The following WWC1 variants were observed in gnomAD, a reference collection of about 807,000 sequenced individuals.
The protein encoded by WWC1 is WW and C2 domain containing 1.
WWC1 carries 55 observed loss-of-function variants against 138.4 expected under a neutral mutation model. The observed-to-expected ratio is 0.40, with a 90% CI of 0.32 to 0.50. The LOEUF (loss-of-function observed/expected upper bound fraction) is 0.50, where lower values mean the gene tolerates loss of function less well. Among genes scored for constraint, WWC1 ranks in the 20% least tolerant of loss-of-function variants. WWC1 has a pLI of 0.72. For synonymous variants in WWC1, 524 were observed against 564.9 expected, an observed-to-expected ratio of 0.93 and a Z score of 1.03; for missense variants, 1,226 against 1,420.4, an observed-to-expected ratio of 0.86 and a Z score of 2.20.
At chr5:168,421,373 C>T (rs1370071944) in intron 9 of WWC1, among the ~76,000 whole-genome samples, 1 of 152,228 alleles carries the variant, frequency 6.6e-6, no homozygotes, top group African/African-American at 2.4e-5. Flanking sequence ...GCTCACCTGC[C>T]AGTTCAAATT....
chr5:168,322,466 A>G (rs1772195828), intron 1 of WWC1, among the ~76,000 whole-genome samples: 1 of 152,208 alleles, frequency 6.6e-6, no homozygotes, highest in Non-Finnish European at 1.5e-5. Context: ...GAAACAGGCA[A>G]TGGATAGATT....
intron 1 of WWC1, among the ~76,000 whole-genome samples, chr5:168,297,582 C>T (rs904311453): frequency 5.4e-5 from 8 of 147,468 alleles, no homozygotes; most frequent in East Asian, 2.0e-4. Context: ...GCCAAGATCG[C>T]GCCATTGCAC....
intron 1 of WWC1, among the ~76,000 whole-genome samples, chr5:168,369,292 A>C (rs1341425348): frequency 6.6e-6 from 1 of 152,228 alleles, no homozygotes; most frequent in African/African-American, 2.4e-5. Context: ...TACTGTCCTC[A>C]TTATACAGAT....
intron 2 of WWC1, among the ~76,000 whole-genome samples, chr5:168,372,563 C>T (rs1776844055): frequency 6.6e-6 from 1 of 152,186 alleles, no homozygotes; most frequent in Non-Finnish European, 1.5e-5. Context: ...ACTTGATAGG[C>T]ATTATCTCTT....
At chr5:168,430,305 G>T (rs1255064909) in intron 14 of WWC1, 82 bp downstream of exon 14, 3 of 1,183,462 alleles carry the variant, frequency 2.5e-6, no homozygotes, top group African/African-American at 3.0e-5. Flanking sequence ...GCCCTGTCCT[G>T]ATCCAGTTAT....
chr5:168,315,878 G>A (rs559174055), intron 1 of WWC1, among the ~76,000 whole-genome samples: 1 of 152,292 alleles, frequency 6.6e-6, no homozygotes, highest in East Asian at 1.9e-4. Flanking sequence ...GGCTCTGGCT[G>A]GCAGGAGGCA....
intron 1 of WWC1, among the ~76,000 whole-genome samples, chr5:168,294,047 G>A (rs1769302406): frequency 1.3e-5 from 2 of 152,132 alleles, no homozygotes; most frequent in South Asian, 2.1e-4. Context: ...TGTAGTTTAC[G>A]GAGGCCTGTG....
intron 8 of WWC1, among the ~76,000 whole-genome samples, chr5:168,410,931 CTTTTTTTTTT>C (rs1354123052): frequency 2.5e-4 from 29 of 114,470 alleles, no homozygotes; most frequent in Middle Eastern, 5.4e-3. Flanking sequence ...ATGATCTTTG[CTTTTTTTTTT>C]TTTTTTTTTT....
At chr5:168,340,582 C>T (rs1371292912) in intron 1 of WWC1, among the ~76,000 whole-genome samples, 1 of 151,934 alleles carries the variant, frequency 6.6e-6, no homozygotes, top group Non-Finnish European at 1.5e-5. Context: ...CAGAGTCATA[C>T]AATATGTGAC....
intron 20 of WWC1, among the ~76,000 whole-genome samples, chr5:168,461,439 G>C (rs187718174): frequency 1.3e-5 from 2 of 152,350 alleles, no homozygotes; most frequent in African/African-American, 4.8e-5. Context: ...TGTCGTCCAG[G>C]TTCTGGTGAC....
chr5:168,316,629 G>C (rs533308506), intron 1 of WWC1: 1 of 152,552 alleles, frequency 6.6e-6, no homozygotes, highest in African/African-American at 2.4e-5. Context: ...TGAAGAGAAA[G>C]AAAGGACTGG....
At position 168,313,176 on chromosome 5, in the gene WWC1, G is replaced by A. The variant is rs182576890; in HGVS notation, c.119+20905G>A. 6.0e-4 allele frequency among the ~76,000 whole-genome samples: 92 copies of A among 152,256 alleles called. 1 individual carries two copies. The highest frequency in any genetic ancestry group is 6.0e-3 in the Admixed American group (92 of 15,292). ...ATGCTCATGGCAGTTCACAGGGCCTGGTGGTTTCTGCCTCAAACCCCTGTG... is the reference window on the plus strand; with the variant it reads ...ATGCTCATGGCAGTTCACAGGGCCTAGTGGTTTCTGCCTCAAACCCCTGTG... On this transcript the variant is annotated intron_variant, in intron 1 of 22. Coordinates refer to ENST00000265293, the MANE Select transcript of WWC1 (RefSeq NM_015238.3).
chr5:168,430,028 A>C (rs1251190219), intron 13 of WWC1, 109 bp from the exon 14 acceptor site: 1 of 778,834 alleles, frequency 1.3e-6, no homozygotes, highest in Non-Finnish European at 2.2e-6. Flanking sequence ...AGCTCACCAT[A>C]GGCCCCAGGG....
At chr5:168,342,024 G>A (rs1217463934) in intron 1 of WWC1, among the ~76,000 whole-genome samples, 1 of 152,196 alleles carries the variant, frequency 6.6e-6, no homozygotes, top group African/African-American at 2.4e-5. Context: ...ACCAGCATGT[G>A]TAATGGGAGG....
Position 168,467,155 on chromosome 5 carries a change from G to A in WWC1, c.3151-685G>A, listed in dbSNP as rs374586810. Reference sequence around the variant, plus strand: ...CGCCTGTAGTCCCAGCTACTTGGGAGGCTGAGGCAGGAGAATGGCGTGAAC... The same window carrying A: ...CGCCTGTAGTCCCAGCTACTTGGGAAGCTGAGGCAGGAGAATGGCGTGAAC... On this transcript the variant is annotated intron_variant, in intron 21 of 22. Coordinates refer to ENST00000265293, the MANE Select transcript of WWC1 (RefSeq NM_015238.3). Among the ~76,000 whole-genome samples, 392 of 152,368 alleles carry A rather than the reference G, an allele frequency of 2.6e-3. 1 individual carries two copies. Among genetic ancestry groups the A allele is most frequent in the African/African-American group, 8.6e-3 (358 of 41,582 alleles).
intron 1 of WWC1, among the ~76,000 whole-genome samples, chr5:168,298,326 A>G (rs1769751399): frequency 6.6e-6 from 1 of 152,164 alleles, no homozygotes; most frequent in Non-Finnish European, 1.5e-5. Context: ...GGTGTGAGCC[A>G]CTGTGCCCCA....
intron 1 of WWC1, among the ~76,000 whole-genome samples, chr5:168,299,136 C>T (rs564933579): frequency 4.6e-5 from 7 of 152,308 alleles, no homozygotes; most frequent in African/African-American, 1.7e-4. Flanking sequence ...GTGTTGCATC[C>T]AGGACTGGAG....
intron 1 of WWC1, among the ~76,000 whole-genome samples, chr5:168,343,754 G>A (rs867939675): frequency 4.6e-5 from 7 of 151,960 alleles, no homozygotes; most frequent in African/African-American, 1.7e-4. Context: ...CCCAGGAGGC[G>A]GAGGTTGCAG....
At chr5:168,434,525 G>A (rs768055462) in intron 15 of WWC1, among the ~76,000 whole-genome samples, 14 of 152,126 alleles carry the variant, frequency 9.2e-5, no homozygotes, top group African/African-American at 1.9e-4. Flanking sequence ...TTTAATCTTC[G>A]TGATGGCCCC....
Sources: allele counts gnomAD v4.1 joint callset (sites outside exome capture counted in the v4.1 genomes callset), GRCh38; gene constraint gnomAD v4.1.1; transcripts MANE v1.5; gene names NCBI Gene and HGNC (gene_info 2026-07-23, HGNC 2026-07-21).